The following NOS1 variants were observed in gnomAD, a reference collection of about 807,000 sequenced individuals.
NOS1 encodes the protein NOS type I.
A neutral mutation model predicts 164.5 loss-of-function variants in NOS1; 51 were observed. The ratio of observed to expected loss-of-function variants is 0.31; its 90% CI spans 0.25 to 0.39. The LOEUF is 0.39. NOS1 is among the 10% of genes least tolerant of loss of function. The pLI, the probability that NOS1 is intolerant of heterozygous loss-of-function variation, is 1.00. For synonymous variants in NOS1, 719 were observed against 745.8 expected (o/e 0.96, Z 0.59); for missense variants, 1,362 against 1,885.6 (o/e 0.72, Z 5.14).
At chr12:117,218,311 ACCTTT>A in intron 27 of NOS1, 147 bp from the exon 28 acceptor site, 1 of 697,912 alleles carries the variant, frequency 1.4e-6, no homozygotes, top group East Asian at 2.5e-5. Flanking sequence ...TCCCCGAGGT[ACCTTT>A]GATCTCGAAG....
chr12:117,285,448 G>A, intron 6 of NOS1, 116 bp from the exon 7 acceptor site: 1 of 528,676 alleles, frequency 1.9e-6, no homozygotes. Flanking sequence ...CTACATTGGT[G>A]AAGTGGGCAC....
chr12:117,217,894 G>A, intron 28 of NOS1, 152 bp downstream of exon 28: 2 of 685,164 alleles, frequency 2.9e-6, no homozygotes, highest in Non-Finnish European at 5.3e-6. Context: ...GGTCTGGGGT[G>A]GTCTGGGAAT....
chr12:117,359,102 T>C lies in NOS1; in HGVS notation c.-421+2410A>G, dbSNP rs538364390. Among the ~76,000 whole-genome samples the C allele has an allele frequency of 3.9e-5, 6 of 152,330 alleles. No homozygotes were observed. In the South Asian group the frequency reaches 1.2e-3, roughly 32 times the overall value. On this transcript the variant is annotated intron_variant, in intron 1 of 28. Coordinates refer to ENST00000317775, the MANE Select transcript of NOS1 (RefSeq NM_000620.5). ...AACCTGAAAGTTAAGAGGCTCCAGG[T>C]GAATAATACGTGTGACAGTGCCTTG... is the stretch of plus-strand genomic sequence containing the variant.
chr12:117,255,829 G>C, intron 16 of NOS1: 3 of 582,682 alleles, frequency 5.1e-6, no homozygotes, highest in Non-Finnish European at 8.1e-6. Context: ...GCTCAGGTTA[G>C]AACTCGGATC....
chr12:117,288,311 G>A, intron 4 of NOS1, 92 bp from the exon 5 acceptor site: 1 of 1,241,748 alleles, frequency 8.1e-7, no homozygotes, highest in Non-Finnish European at 1.1e-6. Flanking sequence ...TCATGGTTGA[G>A]TTTATCTGGC....
chr12:117,237,368 A>T (rs1181359889), intron 20 of NOS1, among the ~76,000 whole-genome samples: 1 of 113,426 alleles, frequency 8.8e-6, no homozygotes, highest in Non-Finnish European at 1.7e-5. Flanking sequence ...CTGATTTCAG[A>T]TGATCCACCG....
At chr12:117,350,803 T>C (rs1015094163) in intron 1 of NOS1, among the ~76,000 whole-genome samples, 2 of 152,198 alleles carry the variant, frequency 1.3e-5, no homozygotes, top group African/African-American at 2.4e-5. Flanking sequence ...CCGAAGAGGC[T>C]GACCTCTATG....
Position 117,330,325 on chromosome 12 carries a change from C to CACAT in NOS1, c.725+19_725+20insATGT, listed in dbSNP as rs1202741339. 6.3e-7 allele frequency: 1 copy of CACAT among 1,597,190 alleles called. No homozygotes were observed. The highest frequency in any genetic ancestry group is 1.7e-5 in the Admixed American group (1 of 59,260). ...GCACACACACACACACACACACACACACACCCCTGTGGAGCTTACCTGTCC... is the reference window on the plus strand; with the variant it reads ...GCACACACACACACACACACACACACACATACACCCCTGTGGAGCTTACCTGTCC... On this transcript the variant is annotated intron_variant, in intron 2 of 28. Transcript: ENST00000317775. The surrounding 1 kb of genome is among the most constrained non-coding windows in gnomAD (Gnocchi z 4.6).
intron 17 of NOS1, among the ~76,000 whole-genome samples, chr12:117,249,242 G>T (rs943910083): frequency 4.6e-5 from 7 of 152,154 alleles, no homozygotes; most frequent in African/African-American, 1.7e-4. Context: ...GCAACCCCAA[G>T]CTCATCTGTG....
At chr12:117,313,884 G>C (rs895480186) in intron 2 of NOS1, among the ~76,000 whole-genome samples, 2 of 152,196 alleles carry the variant, frequency 1.3e-5, no homozygotes, top group African/African-American at 4.8e-5. Context: ...GGGCAATGCA[G>C]CTTGCCCTGT....
intron 3 of NOS1, among the ~76,000 whole-genome samples, chr12:117,306,456 A>T (rs1282677061): frequency 6.6e-6 from 1 of 152,034 alleles, no homozygotes. Context: ...TCCTCATGTT[A>T]TTTATCTAGG....
chr12:117,248,196 T>A (rs112544257), intron 17 of NOS1, among the ~76,000 whole-genome samples: 91 of 146,318 alleles, frequency 6.2e-4, no homozygotes, highest in Middle Eastern at 3.5e-3. Flanking sequence ...TTTTTTTTTT[T>A]AAATTTATTA....
chr12:117,249,592 T>G (rs1212712999), intron 17 of NOS1, among the ~76,000 whole-genome samples: 1 of 152,180 alleles, frequency 6.6e-6, no homozygotes, highest in Non-Finnish European at 1.5e-5. Flanking sequence ...CAGGTTCTTC[T>G]AAAAGGGAAT....
chr12:117,276,344 A>G (rs1411734309), intron 9 of NOS1, among the ~76,000 whole-genome samples: 1 of 151,974 alleles, frequency 6.6e-6, no homozygotes, highest in Non-Finnish European at 1.5e-5. Flanking sequence ...GTGCACTGGC[A>G]CAACTTGGGC....
intron 8 of NOS1, among the ~76,000 whole-genome samples, chr12:117,280,306 A>G (rs1873526202): frequency 6.6e-6 from 1 of 152,140 alleles, no homozygotes; most frequent in Non-Finnish European, 1.5e-5. Flanking sequence ...ATGAAATGAA[A>G]CTGACATTAT....
chr12:117,288,031 T>A (rs1163598759), intron 5 of NOS1, 43 bp downstream of exon 5: 1 of 1,610,688 alleles, frequency 6.2e-7, no homozygotes, highest in South Asian at 1.1e-5. Flanking sequence ...TCTCCAGCAT[T>A]CGATAACTTA....
intron 1 of NOS1, among the ~76,000 whole-genome samples, chr12:117,359,345 T>C (rs1487756868): frequency 1.3e-5 from 2 of 151,870 alleles, no homozygotes; most frequent in Non-Finnish European, 2.9e-5. Flanking sequence ...GCCCTTTTCC[T>C]ATTTTATCTT....
intron 20 of NOS1, among the ~76,000 whole-genome samples, chr12:117,240,664 C>A (rs759777598): frequency 5.9e-5 from 9 of 152,138 alleles, no homozygotes; most frequent in South Asian, 4.1e-4. Flanking sequence ...TATAAAAGAT[C>A]CTGGACAGAG....
intron 10 of NOS1, among the ~76,000 whole-genome samples, chr12:117,268,843 C>T (rs561692718): frequency 1.6e-4 from 24 of 152,006 alleles, no homozygotes; most frequent in African/African-American, 5.5e-4. Flanking sequence ...ATGATCCACC[C>T]GCCTTGGCCT....
Sources: gnomAD v4.1 joint callset for allele counts (sites outside exome capture counted in the v4.1 genomes callset) on GRCh38, gnomAD v4.1.1 for gene constraint, Gnocchi (gnomAD v3.1) non-coding constraint, MANE v1.5 for transcripts, NCBI Gene and HGNC (gene_info 2026-07-23, HGNC 2026-07-21) for gene names.